Variants in ADGRL3 observed in about 807,000 individuals in gnomAD.
ADGRL3 encodes adhesion G protein-coupled receptor L3.
ADGRL3 carries 62 observed loss-of-function variants against 153.5 expected under a neutral mutation model. That is an observed-to-expected ratio of 0.40 (90% CI 0.33 to 0.50). The LOEUF is 0.50. ADGRL3 is among the 20% of genes least tolerant of loss of function. ADGRL3 has a pLI of 0.47. For synonymous variants in ADGRL3, 710 were observed against 672.5 expected, an observed-to-expected ratio of 1.06 and a Z score of -0.86; for missense variants, 1,641 against 1,859.4, an observed-to-expected ratio of 0.88 and a Z score of 2.16.
chr4:61,354,264 G>A (rs1018313967), intron 1 of ADGRL3, among the ~76,000 whole-genome samples: 12 of 152,128 alleles, frequency 7.9e-5, no homozygotes, highest in African/African-American at 2.7e-4. Flanking sequence ...GGGATCCTTT[G>A]CAATGTAGCT....
intron 9 of ADGRL3, among the ~76,000 whole-genome samples, chr4:61,851,786 A>G (rs1443076068): frequency 6.6e-6 from 1 of 152,104 alleles, no homozygotes; most frequent in Non-Finnish European, 1.5e-5. Flanking sequence ...ACAAACCTCC[A>G]GTGCCATGTG....
In ADGRL3 at chr4:61,733,344, G is replaced by A. The variant is rs780445734; in HGVS notation, c.1189G>A (p.Asp397Asn). ...GTATGTGGTCAAATCTGTATATGAGGATGATGACAATGAGGCTACTGGAAA... is the reference window on the plus strand; with the variant it reads ...GTATGTGGTCAAATCTGTATATGAGAATGATGACAATGAGGCTACTGGAAA... ...ILYVVKSVYE[D>N]DDNEATGNKI... The change falls in exon 8 of 27, where the codon GAT (aspartate) becomes AAT (asparagine). Residue 397 changes from aspartate to asparagine, a missense_variant. Asp to Asn is a conservative substitution (Grantham distance 23). Coordinates refer to ENST00000683033, the MANE Select transcript of ADGRL3 (RefSeq NM_001387552.1). 1.4e-5 allele frequency: 22 copies of A among 1,613,678 alleles called. No individual in the cohort carries two copies. Among genetic ancestry groups the A allele is most frequent in the Non-Finnish European group, 1.9e-5 (22 of 1,179,788 alleles).
At chr4:61,364,203 C>A (rs1207047622) in intron 1 of ADGRL3, among the ~76,000 whole-genome samples, 1 of 151,606 alleles carries the variant, frequency 6.6e-6, no homozygotes, top group East Asian at 1.9e-4. Flanking sequence ...CATGGTGGTG[C>A]ACACCTGTAG....
intron 8 of ADGRL3, among the ~76,000 whole-genome samples, chr4:61,786,467 G>A (rs1018129869): frequency 1.3e-5 from 2 of 152,210 alleles, no homozygotes; most frequent in African/African-American, 2.4e-5. Flanking sequence ...AATAGGAAGA[G>A]CATTCGTGAG....
At chr4:61,938,451 CTT>C in intron 15 of ADGRL3, among the ~76,000 whole-genome samples, 1 of 152,276 alleles carries the variant, frequency 6.6e-6, no homozygotes, top group East Asian at 1.9e-4. Context: ...ATCATAATCT[CTT>C]TGCTGGATTA....
intron 1 of ADGRL3, among the ~76,000 whole-genome samples, chr4:61,338,405 G>C (rs1322316070): frequency 6.6e-6 from 1 of 151,992 alleles, no homozygotes; most frequent in Non-Finnish European, 1.5e-5. Flanking sequence ...GTGTGTGTGT[G>C]TGTGTGTGTG....
intron 1 of ADGRL3, among the ~76,000 whole-genome samples, chr4:61,376,809 G>T (rs192756481): frequency 5.1e-4 from 78 of 152,278 alleles, no homozygotes; most frequent in Admixed American, 6.5e-4. Context: ...TGGCTACATA[G>T]TTCCTTAGAT....
chr4:61,489,445 G>A (rs567243596), intron 2 of ADGRL3, among the ~76,000 whole-genome samples: 26 of 151,922 alleles, frequency 1.7e-4, no homozygotes, highest in Admixed American at 1.2e-3. Flanking sequence ...TATTATAGAC[G>A]AAATTTCTTC....
At chr4:61,924,093 C>G (rs980365758) in intron 13 of ADGRL3, among the ~76,000 whole-genome samples, 5 of 152,092 alleles carry the variant, frequency 3.3e-5, no homozygotes, top group Non-Finnish European at 7.4e-5. Context: ...ACCGAAACTG[C>G]CCTTTTTGAG....
intron 2 of ADGRL3, among the ~76,000 whole-genome samples, chr4:61,412,867 T>C (rs1447592890): frequency 6.6e-6 from 1 of 152,240 alleles, no homozygotes; most frequent in African/African-American, 2.4e-5. Context: ...TGATGATTGC[T>C]TTAAAAATCT....
chr4:61,778,785 T>C (rs7676289), intron 8 of ADGRL3, among the ~76,000 whole-genome samples: 94,155 of 152,080 alleles, frequency 0.62, 29,680 homozygotes, highest in Middle Eastern at 0.73. Flanking sequence ...AAGCTGGGCG[T>C]GGTGGATCCC....
intron 1 of ADGRL3, among the ~76,000 whole-genome samples, chr4:61,365,519 T>C (rs1021045870): frequency 2.0e-5 from 3 of 152,220 alleles, no homozygotes; most frequent in African/African-American, 7.2e-5. Flanking sequence ...CCCTGTGTTT[T>C]CAGGAGGCCT....
At chr4:61,690,904 G>C (rs1184377839) in intron 6 of ADGRL3, among the ~76,000 whole-genome samples, 1 of 152,152 alleles carries the variant, frequency 6.6e-6, no homozygotes, top group Non-Finnish European at 1.5e-5. Flanking sequence ...GAATATGACT[G>C]TGGATATTAT....
chr4:61,221,008 A>G (rs1460245444), intron 1 of ADGRL3, among the ~76,000 whole-genome samples: 2 of 152,180 alleles, frequency 1.3e-5, no homozygotes, highest in East Asian at 3.9e-4. Context: ...TTTCCCCTGA[A>G]TCAATTATTT....
chr4:62,064,441 A>G (rs1398433965), intron 25 of ADGRL3, among the ~76,000 whole-genome samples: 1 of 152,084 alleles, frequency 6.6e-6, no homozygotes, highest in Non-Finnish European at 1.5e-5. Context: ...GAACACAGAA[A>G]GCTTAAAATA....
Position 61,585,879 on chromosome 4 carries a change from AGT to A in ADGRL3, c.260-1343_260-1342del, listed in dbSNP as rs370587630. ...TAAACTTAAACGTCAAGCTAGAAAA[AGT>A]GTGTTTCTCATAAATATGAAGGACA... On this transcript the variant is annotated intron_variant, in intron 4 of 26. Coordinates refer to ENST00000683033, the MANE Select transcript of ADGRL3 (RefSeq NM_001387552.1). Among the ~76,000 whole-genome samples, 354 of 152,116 alleles carry A rather than the reference AGT, an allele frequency of 2.3e-3. 2 individuals carry two copies. The highest frequency in any genetic ancestry group is 7.7e-3 in the African/African-American group (320 of 41,566).
intron 8 of ADGRL3, among the ~76,000 whole-genome samples, chr4:61,746,485 A>G (rs979281012): frequency 3.4e-4 from 51 of 152,178 alleles, no homozygotes; most frequent in Non-Finnish European, 5.9e-5. Flanking sequence ...AATGTAAAAG[A>G]ACAGAAATTA....
intron 5 of ADGRL3, among the ~76,000 whole-genome samples, chr4:61,656,193 C>A (rs150277265): frequency 1.3e-5 from 2 of 152,286 alleles, no homozygotes; most frequent in African/African-American, 2.4e-5. Flanking sequence ...ATGAATGCTT[C>A]TTAATGCTAT....
At chr4:61,207,009 T>G (rs1737575429) in intron 1 of ADGRL3, among the ~76,000 whole-genome samples, 1 of 149,084 alleles carries the variant, frequency 6.7e-6, no homozygotes, top group African/African-American at 2.5e-5. Flanking sequence ...AATAAATAAA[T>G]AAAATAAAAT....
Sources: allele counts gnomAD v4.1 joint callset (sites outside exome capture counted in the v4.1 genomes callset), GRCh38; gene constraint gnomAD v4.1.1; transcripts MANE v1.5; gene names NCBI Gene and HGNC (gene_info 2026-07-23, HGNC 2026-07-21).